Variants in LDB2 observed in about 807,000 individuals in gnomAD.
LDB2 encodes the protein LIM domain-binding protein 2.
In LDB2, 12 loss-of-function variants were observed where a neutral mutation model predicts 44.3. The ratio of observed to expected loss-of-function variants is 0.27; its 90% CI spans 0.17 to 0.44. The LOEUF (loss-of-function observed/expected upper bound fraction) is 0.44, where lower values mean the gene tolerates loss of function less well. Ranked by LOEUF, LDB2 falls within the 20% of genes least tolerant of loss-of-function variation. The pLI, the probability that LDB2 is intolerant of heterozygous loss-of-function variation, is 1.00. For missense variants in LDB2, 344 were observed against 473.5 expected (o/e 0.73, Z 2.54); for synonymous variants, 164 against 174.8 (o/e 0.94, Z 0.49).
chr4:16,875,972 A>G (rs1459594381), intron 1 of LDB2, among the ~76,000 whole-genome samples: 1 of 152,212 alleles, frequency 6.6e-6, no homozygotes, highest in Non-Finnish European at 1.5e-5. Flanking sequence ...GTAGGAATGC[A>G]TTATAGGAAG....
chr4:16,831,257 A>G (rs1784039434), intron 1 of LDB2, among the ~76,000 whole-genome samples: 1 of 150,962 alleles, frequency 6.6e-6, no homozygotes, highest in Non-Finnish European at 1.5e-5. Context: ...GACAAGCAGC[A>G]AGGAGGTGGG....
chr4:16,572,892 A>G (rs1433858879), intron 5 of LDB2, among the ~76,000 whole-genome samples: 1 of 152,038 alleles, frequency 6.6e-6, no homozygotes, highest in Non-Finnish European at 1.5e-5. Flanking sequence ...GAGGAGGCGG[A>G]GGGGAAAAGA....
At chr4:16,690,052 G>T (rs1750258294) in intron 2 of LDB2, among the ~76,000 whole-genome samples, 1 of 152,172 alleles carries the variant, frequency 6.6e-6, no homozygotes, top group African/African-American at 2.4e-5. Flanking sequence ...GTCAACTTCA[G>T]CTAGCCAATC....
At chr4:16,897,327 A>C (rs920867119) in intron 1 of LDB2, among the ~76,000 whole-genome samples, 1 of 152,220 alleles carries the variant, frequency 6.6e-6, no homozygotes, top group Non-Finnish European at 1.5e-5. Flanking sequence ...CTAAATTCCT[A>C]GCAATTTCCA....
intron 1 of LDB2, among the ~76,000 whole-genome samples, chr4:16,887,710 G>C (rs1266589287): frequency 1.3e-5 from 2 of 151,844 alleles, no homozygotes; most frequent in African/African-American, 4.8e-5. Context: ...AAAAAAAAAG[G>C]GCTACAAATA....
At chr4:16,585,811 A>G in intron 5 of LDB2, 111 bp downstream of exon 5, 1 of 727,434 alleles carries the variant, frequency 1.4e-6, no homozygotes, top group East Asian at 2.7e-5. Context: ...CAGAACATAG[A>G]CACTGCTATA....
intron 7 of LDB2, 99 bp from the exon 8 acceptor site, chr4:16,502,972 A>G: frequency 1.3e-6 from 2 of 1,597,950 alleles, no homozygotes; most frequent in Admixed American, 1.7e-5. Context: ...GGACAGACAC[A>G]CTCGTGTACT....
intron 2 of LDB2, among the ~76,000 whole-genome samples, chr4:16,604,529 T>A (rs531163466): frequency 1.5e-3 from 219 of 148,544 alleles, no homozygotes; most frequent in South Asian, 2.7e-3. Flanking sequence ...ATATATATAT[T>A]TATATATATA....
intron 1 of LDB2, among the ~76,000 whole-genome samples, chr4:16,781,850 C>A (rs676813): frequency 1 from 152,284 of 152,284 alleles, 76,142 homozygotes; most frequent in Non-Finnish European, 1. Context: ...AGAGAGAGAC[C>A]CCCAAGCCCA....
chr4:16,634,814 T>C (rs1733097889), intron 2 of LDB2, among the ~76,000 whole-genome samples: 1 of 152,156 alleles, frequency 6.6e-6, no homozygotes, highest in Admixed American at 6.5e-5. Context: ...GGATTATAAA[T>C]CATTCTATGA....
At chr4:16,732,394 A>G (rs1760943994) in intron 2 of LDB2, among the ~76,000 whole-genome samples, 1 of 152,204 alleles carries the variant, frequency 6.6e-6, no homozygotes, top group Admixed American at 6.5e-5. Context: ...TTTGATCACA[A>G]TGCTCTTTGC....
In LDB2 at chr4:16,865,527, T is replaced by C. The variant is rs116341458; in HGVS notation, c.132+32827A>G. Among the ~76,000 whole-genome samples, 1,314 of 152,264 alleles carry C rather than the reference T, an allele frequency of 8.6e-3. 24 individuals are homozygous for C. The highest frequency in any genetic ancestry group is 0.03 in the African/African-American group (1,256 of 41,554). On this transcript the variant is annotated intron_variant, in intron 1 of 7. Coordinates refer to ENST00000304523, the MANE Select transcript of LDB2 (RefSeq NM_001290.5). ...CTCCTCACACCAGCTCCTGTGATCA[T>C]GAGGATGCCCCAGCCTCCAAGAGAA... is the stretch of plus-strand genomic sequence containing the variant.
At chr4:16,846,492 A>G (rs987261100) in intron 1 of LDB2, among the ~76,000 whole-genome samples, 11 of 152,196 alleles carry the variant, frequency 7.2e-5, no homozygotes, top group African/African-American at 1.7e-4. Flanking sequence ...AATTCTATCT[A>G]TATATTTTTT....
rs531897490 is a variant in LDB2 at position 16,686,326 on chromosome 4, G to T, written c.235+72832C>A. On this transcript the variant is annotated intron_variant, in intron 2 of 7. Coordinates refer to ENST00000304523, the MANE Select transcript of LDB2 (RefSeq NM_001290.5). ...AAGTTTTATTATTTTTACTGTGCTA[G>T]TCATCACATTGGAATCTTGTATAAT... Among the ~76,000 whole-genome samples, 13 of 152,326 alleles carry T rather than the reference G, an allele frequency of 8.5e-5. No homozygotes were observed. In the South Asian group the frequency reaches 1.7e-3, roughly 19 times the overall value.
In LDB2 at chr4:16,581,497, G is replaced by A. The variant is rs1187191435; in HGVS notation, c.615+4425C>T. ...GTTTTGGCTCAAAACACCTACTTTT[G>A]TTGGTACCTAAAACAAACTTGAAAC... is the stretch of plus-strand genomic sequence containing the variant. On this transcript the variant is annotated intron_variant, in intron 5 of 7. Transcript: ENST00000304523. 8 of 911,782 alleles carry A rather than the reference G, an allele frequency of 8.8e-6. No individual in the cohort carries two copies. The South Asian group carries it at 4.0e-4, about 46-fold the overall frequency. The allele number at this position is 911,782 out of a possible 1,614,324, so 56.5% of individuals were successfully genotyped here. A position where few individuals can be genotyped will look rare whatever the true frequency, so the allele number is the denominator to read the frequency against.
rs79890310 is a variant in LDB2 at position 16,839,244 on chromosome 4, T to C, written c.132+59110A>G. Reference sequence around the variant, plus strand: ...GCTCATAATTCTGCTGGCTAGAAGATTGGACATCTGGCGAAAACCTCAGGC... The same window carrying C: ...GCTCATAATTCTGCTGGCTAGAAGACTGGACATCTGGCGAAAACCTCAGGC... On this transcript the variant is annotated intron_variant, in intron 1 of 7. Coordinates refer to ENST00000304523, the MANE Select transcript of LDB2 (RefSeq NM_001290.5). Among the ~76,000 whole-genome samples the C allele has an allele frequency of 2.6e-3, 396 of 152,292 alleles. 13 individuals are homozygous for C. In the East Asian group the frequency reaches 0.062, roughly 24 times the overall value.
At chr4:16,805,335 T>C (rs1260771339) in intron 1 of LDB2, among the ~76,000 whole-genome samples, 1 of 152,252 alleles carries the variant, frequency 6.6e-6, no homozygotes, top group African/African-American at 2.4e-5. Flanking sequence ...CAAACTCATT[T>C]CTATATCAGC....
At chr4:16,785,445 C>T (rs544569496) in intron 1 of LDB2, among the ~76,000 whole-genome samples, 3 of 152,056 alleles carry the variant, frequency 2.0e-5, no homozygotes, top group Non-Finnish European at 2.9e-5. Flanking sequence ...ATGGTGAGGA[C>T]GGATGCATCA....
chr4:16,629,962 T>C (rs1309631389), intron 2 of LDB2, among the ~76,000 whole-genome samples: 3 of 152,258 alleles, frequency 2.0e-5, no homozygotes, highest in Non-Finnish European at 2.9e-5. Flanking sequence ...CTACATTTGA[T>C]TGGTGTACCT....
Sources: allele counts gnomAD v4.1 joint callset (sites outside exome capture counted in the v4.1 genomes callset), GRCh38; gene constraint gnomAD v4.1.1; transcripts MANE v1.5; gene names NCBI Gene and HGNC (gene_info 2026-07-23, HGNC 2026-07-21).